Variants in PPP2R3A observed in about 807,000 individuals in gnomAD.
The protein encoded by PPP2R3A is protein phosphatase 2 regulatory subunit B''alpha.
In PPP2R3A, 80 loss-of-function variants were observed where a neutral mutation model predicts 106.9. The ratio of observed to expected loss-of-function variants is 0.75; its 90% CI spans 0.62 to 0.90. PPP2R3A has a LOEUF of 0.90. PPP2R3A is among the 40% of genes least tolerant of loss of function. The probability of loss-of-function intolerance (pLI) is 0.00; values close to 1 mark genes in which losing one functional copy is unlikely to be tolerated. For missense variants in PPP2R3A, 1,386 were observed against 1,350.4 expected (o/e 1.03, Z -0.41); for synonymous variants, 483 against 468.3 (o/e 1.03, Z -0.41).
chr3:136,104,353 C>A (rs1026639385), intron 12 of PPP2R3A, among the ~76,000 whole-genome samples: 1 of 151,774 alleles, frequency 6.6e-6, no homozygotes, highest in Non-Finnish European at 1.5e-5. Flanking sequence ...GTTGCCCAGG[C>A]TGGAGTGCAA....
At chr3:136,079,324 C>T in intron 7 of PPP2R3A, 1 of 277,144 alleles carries the variant, frequency 3.6e-6, no homozygotes. Context: ...TTCCATAATA[C>T]CTCAAGAGTA....
chr3:136,036,928 T>TCTGGTAC (rs1247016318), intron 3 of PPP2R3A, among the ~76,000 whole-genome samples: 1 of 152,262 alleles, frequency 6.6e-6, no homozygotes, highest in Non-Finnish European at 1.5e-5. Context: ...GCAAGTCTTT[T>TCTGGTAC]CTGGTACCAG....
intron 13 of PPP2R3A, among the ~76,000 whole-genome samples, chr3:136,122,190 T>C (rs1938021330): frequency 6.6e-6 from 1 of 152,108 alleles, no homozygotes; most frequent in Non-Finnish European, 1.5e-5. Flanking sequence ...GCACGGTGAC[T>C]CACACCTGTA....
At chr3:136,032,020 G>GT (rs879230081) in intron 3 of PPP2R3A, among the ~76,000 whole-genome samples, 1 of 152,092 alleles carries the variant, frequency 6.6e-6, no homozygotes, top group Non-Finnish European at 1.5e-5. Context: ...TTTTAGAATT[G>GT]TTTTTTCTAA....
At chr3:136,097,896 T>C (rs1937253057) in intron 10 of PPP2R3A, among the ~76,000 whole-genome samples, 1 of 152,206 alleles carries the variant, frequency 6.6e-6, no homozygotes, top group African/African-American at 2.4e-5. Context: ...GATGTAACTC[T>C]TCAAGGTTTT....
In PPP2R3A at chr3:136,095,706, A is replaced by G. The variant is rs144980402; in HGVS notation, c.2927+5039A>G. Reference sequence around the variant, plus strand: ...GCTTAAGAGAATCAAAATTAGGCCAATTATATAAGAAAATAACTACTGATT... The same window carrying G: ...GCTTAAGAGAATCAAAATTAGGCCAGTTATATAAGAAAATAACTACTGATT... On this transcript the variant is annotated intron_variant, in intron 10 of 13. Coordinates refer to ENST00000264977, the MANE Select transcript of PPP2R3A (RefSeq NM_002718.5). Among the ~76,000 whole-genome samples, 200 of 152,294 alleles carry G rather than the reference A, an allele frequency of 1.3e-3. 1 individual carries two copies. Among genetic ancestry groups the G allele is most frequent in the African/African-American group, 4.5e-3 (186 of 41,578 alleles).
chr3:136,014,986 T>C lies in PPP2R3A; in HGVS notation c.1995+11493T>C, dbSNP rs180781117. Among the ~76,000 whole-genome samples, 11 of 152,324 alleles carry C rather than the reference T, an allele frequency of 7.2e-5. No individual in the cohort carries two copies. In the East Asian group the frequency reaches 1.7e-3, roughly 24 times the overall value. On this transcript the variant is annotated intron_variant, in intron 2 of 13. Transcript: ENST00000264977. ...TTGTCATAGATAGCTTTTATTACCT[T>C]AAGGTATATCCCTTCTATGCCGATT... is the stretch of plus-strand genomic sequence containing the variant.
chr3:136,036,829 TTC>T (rs1227712183), intron 3 of PPP2R3A, among the ~76,000 whole-genome samples: 1 of 152,228 alleles, frequency 6.6e-6, no homozygotes, highest in Non-Finnish European at 1.5e-5. Flanking sequence ...TTACTCCTAA[TTC>T]TCTTTTAATT....
At chr3:135,996,752 A>C (rs1204399140) in intron 1 of PPP2R3A, among the ~76,000 whole-genome samples, 1 of 152,146 alleles carries the variant, frequency 6.6e-6, no homozygotes, top group African/African-American at 2.4e-5. Context: ...ATCTATCCTT[A>C]CTTTTGCCTG....
chr3:136,065,974 GA>G (rs1388157871), intron 5 of PPP2R3A, among the ~76,000 whole-genome samples: 1 of 152,136 alleles, frequency 6.6e-6, no homozygotes, highest in Non-Finnish European at 1.5e-5. Context: ...CACCTAGCCA[GA>G]AGAAACTTTT....
intron 2 of PPP2R3A, among the ~76,000 whole-genome samples, chr3:136,010,856 G>A (rs570636496): frequency 6.6e-6 from 1 of 152,234 alleles, no homozygotes; most frequent in South Asian, 2.1e-4. Context: ...TTTCTCCTCT[G>A]CTCAATCACT....
chr3:135,971,370 G>A (rs1937242140), intron 1 of PPP2R3A, among the ~76,000 whole-genome samples: 1 of 152,184 alleles, frequency 6.6e-6, no homozygotes, highest in Admixed American at 6.5e-5. Flanking sequence ...GGGTTGTAAT[G>A]CAAATGGTCA....
Position 136,003,021 on chromosome 3 carries a change from A to G in PPP2R3A, c.1523A>G (p.Glu508Gly), listed in dbSNP as rs2107790828. 6.2e-7 allele frequency: 1 copy of G among 1,613,448 alleles called. No homozygotes were observed. The highest frequency in any genetic ancestry group is 2.2e-5 in the East Asian group (1 of 44,878). Residue 508 changes from glutamate (E) to glycine (G), a missense_variant, in exon 2 of 14, where the codon GAG becomes GGG. Glu to Gly is a moderately conservative substitution (Grantham distance 98). Coordinates refer to ENST00000264977, the MANE Select transcript of PPP2R3A (RefSeq NM_002718.5). ...TTTACAAATTCCAGTAGCCAGGAAG[A>G]GATAGATAAATTGTTAATGGATTTG... is the stretch of plus-strand genomic sequence containing the variant. ...RDFTNSSSQE[E>G]IDKLLMDLES...
intron 1 of PPP2R3A, among the ~76,000 whole-genome samples, chr3:135,978,143 A>T (rs192103455): frequency 7.2e-5 from 11 of 152,354 alleles, no homozygotes; most frequent in African/African-American, 2.6e-4. Context: ...AGTTTAAAAA[A>T]ATCATTATAA....
At chr3:136,082,683 G>T (rs1293979509) in intron 8 of PPP2R3A, among the ~76,000 whole-genome samples, 1 of 152,124 alleles carries the variant, frequency 6.6e-6, no homozygotes, top group Non-Finnish European at 1.5e-5. Flanking sequence ...CTTTATACTG[G>T]TGTGTATTTT....
At position 136,070,496 on chromosome 3, in the gene PPP2R3A, C is replaced by T; in HGVS notation, c.2488C>T (p.Pro830Ser). ...PLLQDVVDTH[P>S]GLTFLKDAPE... ...TTTTCAGGATGTGGTGGATACCCAC[C>T]CTGGTCTCACGTTCCTGAAAGATGC... Residue 830 changes from proline to serine, a missense_variant, in exon 6 of 14, where the codon CCT becomes TCT. By Grantham distance (74) the Pro-to-Ser change is moderately conservative (BLOSUM62 -1). Coordinates refer to ENST00000264977, the MANE Select transcript of PPP2R3A (RefSeq NM_002718.5). 6.2e-7 allele frequency: 1 copy of T among 1,608,000 alleles called. No homozygotes were observed. The highest frequency in any genetic ancestry group is 1.3e-5 in the African/African-American group (1 of 74,530).
intron 4 of PPP2R3A, among the ~76,000 whole-genome samples, chr3:136,042,507 T>A (rs527729237): frequency 3.9e-5 from 6 of 152,262 alleles, no homozygotes; most frequent in East Asian, 1.9e-4. Flanking sequence ...AATAAAAAAA[T>A]TTTTTTAAAA....
chr3:135,975,941 TG>T (rs1338261973), intron 1 of PPP2R3A, among the ~76,000 whole-genome samples: 4 of 152,226 alleles, frequency 2.6e-5, no homozygotes, highest in African/African-American at 9.6e-5. Context: ...CTCACCAATT[TG>T]TGAATTTTTG....
chr3:136,013,182 GTATGTA>G (rs1433317551), intron 2 of PPP2R3A, among the ~76,000 whole-genome samples: 2,509 of 121,462 alleles, frequency 0.021, 29 homozygotes, highest in South Asian at 0.036. Context: ...GTGTGTGTGT[GTATGTA>G]TGTATGTATG....
Sources: allele counts gnomAD v4.1 joint callset (sites outside exome capture counted in the v4.1 genomes callset), GRCh38; gene constraint gnomAD v4.1.1; transcripts MANE v1.5; gene names NCBI Gene and HGNC (gene_info 2026-07-23, HGNC 2026-07-21).